Variants in PDE10A observed in about 807,000 individuals in gnomAD.
PDE10A encodes the protein cAMP and cAMP-inhibited cGMP 3',5'-cyclic phosphodiesterase 10A.
A neutral mutation model predicts 97.7 loss-of-function variants in PDE10A; 39 were observed. That is an observed-to-expected ratio of 0.40 (90% CI 0.31 to 0.52). The LOEUF (loss-of-function observed/expected upper bound fraction) is 0.52. Ranked by LOEUF, PDE10A falls within the 20% of genes least tolerant of loss-of-function variation. PDE10A has a pLI of 0.56. For synonymous variants in PDE10A, 371 were observed against 376.8 expected (o/e 0.98, Z 0.18); for missense variants, 731 against 1,047.8 (o/e 0.70, Z 4.17).
intron 17 of PDE10A, among the ~76,000 whole-genome samples, chr6:165,386,879 G>A (rs147582979): frequency 0.028 from 4,217 of 151,730 alleles, 215 homozygotes; most frequent in African/African-American, 0.098. Flanking sequence ...AGCCGGGCAT[G>A]GTGGTGGGCT....
intron 1 of PDE10A, among the ~76,000 whole-genome samples, chr6:165,956,652 T>A (rs577350649): frequency 1.3e-5 from 2 of 152,360 alleles, no homozygotes; most frequent in Non-Finnish European, 2.9e-5. Context: ...ATTTACCAGA[T>A]CCTGCCTTTT....
intron 1 of PDE10A, among the ~76,000 whole-genome samples, chr6:165,852,893 A>C (rs1372294795): frequency 6.6e-6 from 1 of 152,250 alleles, no homozygotes; most frequent in Non-Finnish European, 1.5e-5. Context: ...GCAGTGGCAA[A>C]GGAACAGACG....
intron 1 of PDE10A, among the ~76,000 whole-genome samples, chr6:165,647,045 T>A (rs913292176): frequency 2.0e-5 from 3 of 152,054 alleles, no homozygotes; most frequent in Non-Finnish European, 4.4e-5. Flanking sequence ...CATAAGGAGA[T>A]CATTGCTCAT....
chr6:165,852,659 T>A (rs952641077), intron 1 of PDE10A, among the ~76,000 whole-genome samples: 1 of 152,164 alleles, frequency 6.6e-6, no homozygotes, highest in Non-Finnish European at 1.5e-5. Flanking sequence ...AAGGTTCCTG[T>A]TTTGTCATGG....
intron 2 of PDE10A, among the ~76,000 whole-genome samples, chr6:165,489,920 CA>C (rs1394475774): frequency 7.2e-5 from 11 of 152,180 alleles, no homozygotes; most frequent in Non-Finnish European, 8.8e-5. Context: ...AATAAATGAA[CA>C]AAGCCTCCAA....
At chr6:165,351,623 A>G (rs1362183653) in intron 18 of PDE10A, among the ~76,000 whole-genome samples, 3 of 152,150 alleles carry the variant, frequency 2.0e-5, no homozygotes, top group Non-Finnish European at 2.9e-5. Flanking sequence ...ACCACTACAC[A>G]AAAGCCCAGA....
chr6:165,981,578 G>T (rs1002886611), intron 1 of PDE10A, among the ~76,000 whole-genome samples: 1 of 152,186 alleles, frequency 6.6e-6, no homozygotes, highest in Non-Finnish European at 1.5e-5. Flanking sequence ...CATTCTGCAG[G>T]CTTCATTCTT....
chr6:165,571,200 T>G (rs916940569), intron 1 of PDE10A, among the ~76,000 whole-genome samples: 5 of 152,212 alleles, frequency 3.3e-5, no homozygotes, highest in African/African-American at 1.2e-4. Flanking sequence ...GCCAGCTGTT[T>G]GCTAGCAGAA....
chr6:165,770,606 G>C (rs892954831), intron 1 of PDE10A, among the ~76,000 whole-genome samples: 2 of 152,068 alleles, frequency 1.3e-5, no homozygotes, highest in Non-Finnish European at 2.9e-5. Flanking sequence ...GCCTTCCTTC[G>C]CATCAGCCTG....
intron 18 of PDE10A, among the ~76,000 whole-genome samples, chr6:165,366,122 T>C (rs1783755301): frequency 1.3e-5 from 2 of 152,132 alleles, no homozygotes; most frequent in South Asian, 2.1e-4. Flanking sequence ...AGATAAACCT[T>C]ATACATGATA....
At chr6:165,988,024 T>A (rs697475), upstream of PDE10A, 413,805 of 431,400 alleles carry the variant, frequency 0.96, 198,670 homozygotes, top group East Asian at 1. Context: ...TTGGGGGTGC[T>A]TGTGCTCTCA....
At chr6:165,958,891 T>C (rs148463399) in intron 1 of PDE10A, among the ~76,000 whole-genome samples, 93 of 152,186 alleles carry the variant, frequency 6.1e-4, no homozygotes, top group African/African-American at 2.2e-3. Context: ...AAAAGACACA[T>C]GGAAAGCAAT....
intron 1 of PDE10A, among the ~76,000 whole-genome samples, chr6:165,640,691 T>C (rs1789087100): frequency 6.6e-6 from 1 of 152,234 alleles, no homozygotes; most frequent in African/African-American, 2.4e-5. Context: ...TGATTTCAAA[T>C]GAAGTCTGAT....
rs112000837 is a variant in PDE10A at position 165,494,517 on chromosome 6, C to CATAT, written c.995-12178_995-12175dup. ...ACATAGTAGTATTCCATGGTGTGTG[C>CATAT]ATATATATATATATATATATTTATT... On this transcript the variant is annotated intron_variant, in intron 2 of 21. Transcript: ENST00000539869. Among the ~76,000 whole-genome samples the CATAT allele has an allele frequency of 9.0e-3, 1,282 of 141,906 alleles. 7 individuals carry two copies. The highest frequency in any genetic ancestry group is 0.013 in the Non-Finnish European group (873 of 65,288). 93.1% of individuals were successfully genotyped at this position (141,906 alleles called of 152,430 possible).
At position 165,329,432 on chromosome 6, in the gene PDE10A, A is replaced by G. The variant is rs1781220081; in HGVS notation, c.*3593T>C. 1.3e-5 allele frequency: 2 copies of G among 152,242 alleles called. No homozygotes were observed. The highest frequency in any genetic ancestry group is 6.5e-5 in the Admixed American group (1 of 15,286). 9.4% of individuals were successfully genotyped at this position (152,242 alleles called of 1,614,324 possible). ...AAAATAATAAATACATGAATGAAGA[A>G]GTAAAATTGCAGTATTTAAAATAAA... On this transcript the variant is annotated 3_prime_UTR_variant, in exon 22 of 22. Transcript: ENST00000539869.
chr6:165,914,720 T>G (rs1782559315), intron 1 of PDE10A, among the ~76,000 whole-genome samples: 1 of 152,226 alleles, frequency 6.6e-6, no homozygotes, highest in African/African-American at 2.4e-5. Context: ...CCCGTTTCAG[T>G]TTCCTTCTGT....
intron 1 of PDE10A, among the ~76,000 whole-genome samples, chr6:165,598,800 A>T (rs776715869): frequency 3.9e-5 from 6 of 152,188 alleles, no homozygotes; most frequent in Non-Finnish European, 7.3e-5. Flanking sequence ...AAAATTTTAA[A>T]CTAATAGCCC....
intron 1 of PDE10A, among the ~76,000 whole-genome samples, chr6:165,609,760 T>A (rs1787400677): frequency 6.6e-6 from 1 of 152,154 alleles, no homozygotes; most frequent in African/African-American, 2.4e-5. Flanking sequence ...CATTCACAAT[T>A]GCTTCAAAGA....
chr6:165,679,509 C>A (rs2128439058), intron 1 of PDE10A, among the ~76,000 whole-genome samples: 1 of 152,324 alleles, frequency 6.6e-6, no homozygotes, highest in African/African-American at 2.4e-5. Flanking sequence ...GGCACCGCCC[C>A]CTCCTCCTGA....
Sources: gnomAD v4.1 joint callset for allele counts (sites outside exome capture counted in the v4.1 genomes callset) on GRCh38, gnomAD v4.1.1 for gene constraint, MANE v1.5 for transcripts, NCBI Gene and HGNC (gene_info 2026-07-23, HGNC 2026-07-21) for gene names.